The following LOXHD1 variants were observed in gnomAD, a reference collection of about 807,000 sequenced individuals.
The protein encoded by LOXHD1 is lipoxygenase homology PLAT domains 1, also known as lipoxygenase homology domain-containing protein 1.
In LOXHD1, 205 loss-of-function variants were observed where a neutral mutation model predicts 248.2. The ratio of observed to expected loss-of-function variants is 0.83; its 90% CI spans 0.74 to 0.93. The LOEUF (loss-of-function observed/expected upper bound fraction) is 0.93, where lower values mean the gene tolerates loss of function less well. Ranked by LOEUF, LOXHD1 falls within the 40% of genes least tolerant of loss-of-function variation. The pLI is 0.00. For synonymous variants in LOXHD1, 1,113 were observed against 1,162.8 expected, an observed-to-expected ratio of 0.96 and a Z score of 0.87; for missense variants, 2,930 against 2,971.6, an observed-to-expected ratio of 0.99 and a Z score of 0.33.
At chr18:46,587,815 G>A (rs2038090567) in intron 12 of LOXHD1, among the ~76,000 whole-genome samples, 1 of 152,056 alleles carries the variant, frequency 6.6e-6, no homozygotes, top group South Asian at 2.1e-4. Flanking sequence ...AGCTCCTGAG[G>A]GACAGCCAAG....
At position 46,657,174 on chromosome 18, in the gene LOXHD1, T is replaced by G. The variant is rs2039194663; in HGVS notation, c.-141A>C. ...GCCTGGGTGGGCCAGAGTGCCCCGT[T>G]TTCTTGGCTTCCCCGTGCCCAAGGT... is the stretch of plus-strand genomic sequence containing the variant. On this transcript the variant is annotated 5_prime_UTR_variant, in exon 1 of 41. Coordinates refer to ENST00000642948, the MANE Select transcript of LOXHD1 (RefSeq NM_001384474.1). 1.5e-6 allele frequency: 2 copies of G among 1,374,320 alleles called. No homozygotes were observed. The highest frequency in any genetic ancestry group is 2.3e-5 in the Admixed American group (1 of 43,906). The allele number at this position is 1,374,320 out of a possible 1,614,324, so 85.1% of individuals were successfully genotyped here.
At chr18:46,492,354 T>A (rs1375403383) in intron 37 of LOXHD1, among the ~76,000 whole-genome samples, 1 of 152,230 alleles carries the variant, frequency 6.6e-6, no homozygotes, top group East Asian at 1.9e-4. Flanking sequence ...TGACTCACAG[T>A]TCTGCATGGC....
intron 8 of LOXHD1, among the ~76,000 whole-genome samples, chr18:46,597,896 G>C (rs112653862): frequency 6.6e-6 from 1 of 151,060 alleles, no homozygotes; most frequent in Non-Finnish European, 1.5e-5. Flanking sequence ...AGCTGGGACA[G>C]GCGCCCGCCG....
chr18:46,521,029 C>T (rs572401426), intron 33 of LOXHD1, 68 bp downstream of exon 33: 35 of 1,504,852 alleles, frequency 2.3e-5, no homozygotes, highest in Non-Finnish European at 3.0e-5. Context: ...TTCTGTCTCC[C>T]CTGCTGCTCC....
chr18:46,603,060 G>A (rs1481207137), intron 7 of LOXHD1, among the ~76,000 whole-genome samples: 2 of 152,164 alleles, frequency 1.3e-5, no homozygotes, highest in African/African-American at 2.4e-5. Context: ...GAAAAGGACT[G>A]GAGCAGAGGA....
intron 17 of LOXHD1, 124 bp downstream of exon 17, chr18:46,566,133 C>T (rs2037635070): frequency 9.1e-7 from 1 of 1,099,090 alleles, no homozygotes; most frequent in Non-Finnish European, 1.3e-6. Flanking sequence ...CATTTTCTCC[C>T]TGCAGGACCC....
intron 17 of LOXHD1, among the ~76,000 whole-genome samples, chr18:46,565,949 A>T (rs1461105763): frequency 6.6e-6 from 1 of 152,210 alleles, no homozygotes; most frequent in African/African-American, 2.4e-5. Context: ...CACAGAAGAC[A>T]TGAACTAGGT....
intron 5 of LOXHD1, among the ~76,000 whole-genome samples, chr18:46,614,446 A>C (rs931584891): frequency 1.3e-5 from 2 of 152,184 alleles, no homozygotes; most frequent in African/African-American, 4.8e-5. Flanking sequence ...GGAAACCATC[A>C]TTCTGAGCAA....
chr18:46,521,058 C>A, intron 33 of LOXHD1, 39 bp downstream of exon 33: 1 of 1,543,438 alleles, frequency 6.5e-7, no homozygotes, highest in Non-Finnish European at 8.8e-7. Context: ...ACCTGCACTG[C>A]CCTGGCCATG....
intron 24 of LOXHD1, among the ~76,000 whole-genome samples, chr18:46,542,398 C>T (rs907701623): frequency 1.3e-5 from 2 of 152,146 alleles, no homozygotes; most frequent in Admixed American, 6.5e-5. Context: ...GTTAATAACC[C>T]CCCAGGTGAT....
intron 9 of LOXHD1, 100 bp from the exon 10 acceptor site, chr18:46,593,860 G>A: frequency 2.3e-6 from 3 of 1,300,092 alleles, no homozygotes; most frequent in Non-Finnish European, 3.2e-6. Flanking sequence ...CAGGACTGAA[G>A]GGCGGGGTAT....
chr18:46,656,831 C>T lies in LOXHD1; in HGVS notation c.130+73G>A, dbSNP rs2039188469. On this transcript the variant is annotated intron_variant, in intron 1 of 40. Transcript: ENST00000642948. Reference sequence around the variant, plus strand: ...GCTCCGAAATCTTAGAATGACTCCCCATAGACAGGAACAGACCCCTGCCCA... The same window carrying T: ...GCTCCGAAATCTTAGAATGACTCCCTATAGACAGGAACAGACCCCTGCCCA... The T allele has an allele frequency of 4.0e-6, 6 of 1,490,292 alleles. No individual in the cohort carries two copies. In the South Asian group the frequency reaches 7.5e-5, roughly 19 times the overall value. 92.3% of individuals were successfully genotyped at this position (1,490,292 alleles called of 1,614,324 possible). A position where few individuals can be genotyped will look rare whatever the true frequency, so the allele number is the denominator to read the frequency against.
At chr18:46,486,518 G>A (rs1326162005) in intron 38 of LOXHD1, among the ~76,000 whole-genome samples, 2 of 152,204 alleles carry the variant, frequency 1.3e-5, no homozygotes, top group Admixed American at 6.5e-5. Context: ...GTAGGGAGGG[G>A]TTCTGCAGCC....
chr18:46,477,822 C>G lies in LOXHD1; in HGVS notation c.6472G>C (p.Val2158Leu). The G allele has an allele frequency of 6.4e-7, 1 of 1,551,870 alleles. No individual in the cohort carries two copies. Among genetic ancestry groups the G allele is most frequent in the Non-Finnish European group, 8.7e-7 (1 of 1,147,032 alleles). The change falls in exon 41 of 41, where the codon GTC (valine) becomes CTC (leucine). Residue 2158 changes from valine to leucine, a missense_variant. Coordinates refer to ENST00000642948, the MANE Select transcript of LOXHD1 (RefSeq NM_001384474.1). ...VQSLVPVKYE[V>L]IVTTGYEPGA... Reference sequence around the variant, plus strand: ...GGCTCATAGCCTGTTGTCACGATGACTTCGTACTTGACGGGCACCAGGCTC... The same window carrying G: ...GGCTCATAGCCTGTTGTCACGATGAGTTCGTACTTGACGGGCACCAGGCTC...
At chr18:46,512,396 C>A (rs1480551834) in intron 34 of LOXHD1, among the ~76,000 whole-genome samples, 2 of 152,100 alleles carry the variant, frequency 1.3e-5, no homozygotes, top group African/African-American at 4.8e-5. Context: ...CAGCAGCAAG[C>A]ACCCATTGCC....
At chr18:46,573,420 T>C (rs1207097153) in intron 14 of LOXHD1, among the ~76,000 whole-genome samples, 1 of 152,176 alleles carries the variant, frequency 6.6e-6, no homozygotes, top group South Asian at 2.1e-4. Flanking sequence ...ACGGGGCCCA[T>C]GGCAGCAGAA....
intron 4 of LOXHD1, among the ~76,000 whole-genome samples, chr18:46,632,378 T>C (rs1478720548): frequency 6.6e-6 from 1 of 152,096 alleles, no homozygotes; most frequent in East Asian, 1.9e-4. Flanking sequence ...GGGCAGGGAC[T>C]ATGTCCTTAT....
rs771908730 is a variant in LOXHD1, at chr18:46,577,859, C to T, written c.1818G>A (p.Glu606=). 1 of 1,551,658 alleles carries T rather than the reference C, an allele frequency of 6.4e-7. No individual in the cohort carries two copies. Among genetic ancestry groups the T allele is most frequent in the South Asian group, 1.2e-5 (1 of 84,050 alleles). ...GCATGGTGACAGACTCGATAGTGAA[C>T]TCGTCAGCCTTGTGGGGGGAAACCA... ...TDLFEKGNAD[E]FTIESVTMRN... Residue 606 remains glutamate, a synonymous_variant, in exon 14 of 41, where the codon GAG becomes GAA. Transcript: ENST00000642948.
intron 4 of LOXHD1, among the ~76,000 whole-genome samples, chr18:46,632,010 A>G (rs2038830807): frequency 6.6e-6 from 1 of 152,190 alleles, no homozygotes; most frequent in Non-Finnish European, 1.5e-5. Flanking sequence ...AATCTGAGCA[A>G]ACAGGTTGAG....
Sources: allele counts gnomAD v4.1 joint callset (sites outside exome capture counted in the v4.1 genomes callset), GRCh38; gene constraint gnomAD v4.1.1; transcripts MANE v1.5; gene names NCBI Gene and HGNC (gene_info 2026-07-23, HGNC 2026-07-21).